The following OBSL1 variants were observed in gnomAD, a reference collection of about 807,000 sequenced individuals.
The protein encoded by OBSL1 is obscurin like cytoskeletal adaptor 1, also known as obscurin-like protein 1.
OBSL1 carries 160 observed loss-of-function variants against 172.0 expected under a neutral mutation model. That is an observed-to-expected ratio of 0.93 (90% CI 0.82 to 1.06). OBSL1 has a LOEUF of 1.06. Ranked by LOEUF, OBSL1 falls within the 50% of genes least tolerant of loss-of-function variation. The probability of loss-of-function intolerance (pLI) is 0.00; values close to 1 mark genes in which losing one functional copy is unlikely to be tolerated. For synonymous variants in OBSL1, 1,200 were observed against 1,196.3 expected, an observed-to-expected ratio of 1.00 and a Z score of -0.06; for missense variants, 2,681 against 2,715.4, an observed-to-expected ratio of 0.99 and a Z score of 0.28.
Position 219,552,558 on chromosome 2 carries a change from G to A in OBSL1, c.5286C>T (p.Ala1762=). 2 of 1,596,510 alleles carry A rather than the reference G, an allele frequency of 1.3e-6. No individual in the cohort carries two copies. Among genetic ancestry groups the A allele is most frequent in the East Asian group, 4.5e-5 (2 of 44,656 alleles). Residue 1762 remains alanine (A), a synonymous_variant, in exon 18 of 21, where the codon GCC becomes GCT. Transcript: ENST00000404537. ...GACCTTCCTGTCGGATGCGGACGCG[G>A]GCTCCGGGTCTCAGCGGGCGGCCTC... ...ELGGRPLRPG[A]RVRIRQEGKK...
Position 219,567,932 on chromosome 2 carries a change from G to A in OBSL1, c.1320C>T (p.Val440=). The A allele has an allele frequency of 3.1e-6, 5 of 1,613,886 alleles. No homozygotes were observed. Among genetic ancestry groups the A allele is most frequent in the Non-Finnish European group, 4.2e-6 (5 of 1,179,890 alleles). The change falls in exon 3 of 21, where the codon GTC becomes GTT. Residue 440 remains valine (V), a synonymous_variant. Transcript: ENST00000404537. ...ILKRLPRKLD[V]LEGENAVLLV... ...GCAGCACAGCATTCTCTCCTTCCAG[G>A]ACGTCGAGCTTCCGGGGCAGGCGCT...
Position 219,552,190 on chromosome 2 carries a change from C to T in OBSL1, c.5335G>A (p.Glu1779Lys), listed in dbSNP as rs1367838237. ...TCACCGGCGTCCTCGGCGCGCAGCTCGCTAAGCACCAGAATGTGTTTCTTC... is the reference window on the plus strand; with the variant it reads ...TCACCGGCGTCCTCGGCGCGCAGCTTGCTAAGCACCAGAATGTGTTTCTTC... Reference protein sequence around the residue: ...EGKKHILVLSELRAEDAGEVR... With the variant: ...EGKKHILVLSKLRAEDAGEVR... Residue 1779 changes from glutamate (E) to lysine (K), a missense_variant, in exon 19 of 21, where the codon GAG becomes AAG. Coordinates refer to ENST00000404537, the MANE Select transcript of OBSL1 (RefSeq NM_015311.3). 2.5e-6 allele frequency: 4 copies of T among 1,608,980 alleles called. No individual in the cohort carries two copies. Among genetic ancestry groups the T allele is most frequent in the South Asian group, 1.1e-5 (1 of 90,214 alleles).
chr2:219,556,932 C>T (rs1220591412), intron 12 of OBSL1: 5 of 561,508 alleles, frequency 8.9e-6, no homozygotes, highest in Non-Finnish European at 1.5e-5. Context: ...CCTAGCCTAG[C>T]ACCCCACCTT....
chr2:219,567,212 C>G, intron 4 of OBSL1, 61 bp downstream of exon 4: 4 of 1,563,054 alleles, frequency 2.6e-6, no homozygotes, highest in Non-Finnish European at 3.5e-6. Flanking sequence ...GTGAGAGGAC[C>G]AGCACTGAGG....
At chr2:219,562,271 A>C in intron 8 of OBSL1, 131 bp downstream of exon 8, 1 of 1,188,064 alleles carries the variant, frequency 8.4e-7, no homozygotes, top group Non-Finnish European at 1.2e-6. Flanking sequence ...TCATCTCAGC[A>C]AGAACCCTGG....
At chr2:219,558,505 C>T (rs1167845534) in intron 9 of OBSL1, 46 bp from the exon 10 acceptor site, 2 of 1,493,796 alleles carry the variant, frequency 1.3e-6, no homozygotes, top group Admixed American at 2.1e-5. Context: ...GGCCAGCAGG[C>T]CTCTCCTGCC....
chr2:219,571,395 C>T lies in OBSL1; in HGVS notation c.-163G>A. ...CCCGCTCCCGGCTCGCCTCCTTACCCTCGGCCCCGAGCTGCAGCTCTGCGG... is the reference window on the plus strand; with the variant it reads ...CCCGCTCCCGGCTCGCCTCCTTACCTTCGGCCCCGAGCTGCAGCTCTGCGG... On this transcript the variant is annotated 5_prime_UTR_variant, in exon 1 of 21. Transcript: ENST00000404537. 2.6e-6 allele frequency: 1 copy of T among 381,276 alleles called. No homozygotes were observed. The highest frequency in any genetic ancestry group is 1.2e-4 in the South Asian group (1 of 8,122). 23.6% of individuals were successfully genotyped at this position (381,276 alleles called of 1,614,324 possible).
chr2:219,562,001 G>T (rs1057192365), intron 8 of OBSL1: 2 of 717,618 alleles, frequency 2.8e-6, no homozygotes, highest in Admixed American at 2.0e-5. Flanking sequence ...CCTGACTTTG[G>T]TAAGACTCTG....
intron 13 of OBSL1, 75 bp from the exon 14 acceptor site, chr2:219,556,367 C>T: frequency 1.3e-6 from 2 of 1,583,494 alleles, no homozygotes; most frequent in Non-Finnish European, 1.7e-6. Flanking sequence ...ACTGGTCTGT[C>T]CCTAGGTGGA....
In OBSL1 at chr2:219,561,628, G is replaced by A. The variant is rs1023346175; in HGVS notation, c.2953+774C>T. On this transcript the variant is annotated intron_variant, in intron 8 of 20. Coordinates refer to ENST00000404537, the MANE Select transcript of OBSL1 (RefSeq NM_015311.3). ...TGCTGCTGGCTCCCGTGTGTGGAAGGGTGACTTTCTCCCAGGCCTCCCTGA... is the reference window on the plus strand; with the variant it reads ...TGCTGCTGGCTCCCGTGTGTGGAAGAGTGACTTTCTCCCAGGCCTCCCTGA... The A allele has an allele frequency of 2.1e-5, 9 of 425,576 alleles. No homozygotes were observed. In the African/African-American group the frequency reaches 2.5e-4, roughly 12 times the overall value. The allele number at this position is 425,576 out of a possible 1,614,324, so 26.4% of individuals were successfully genotyped here.
At chr2:219,551,400 C>CAA in intron 20 of OBSL1, 129 bp downstream of exon 20, 1 of 1,289,790 alleles carries the variant, frequency 7.8e-7, no homozygotes. Flanking sequence ...CCTCCCCCAT[C>CAA]CCCACCTCCT....
In OBSL1 at chr2:219,570,297, C is replaced by T. The variant is rs1430929525; in HGVS notation, c.936G>A (p.Lys312=). 1 of 1,610,118 alleles carries T rather than the reference C, an allele frequency of 6.2e-7. No homozygotes were observed. The highest frequency in any genetic ancestry group is 2.2e-5 in the East Asian group (1 of 44,774). The change falls in exon 1 of 21, where the codon AAG becomes AAA. Residue 312 remains lysine, a synonymous_variant. Coordinates refer to ENST00000404537, the MANE Select transcript of OBSL1 (RefSeq NM_015311.3). ...CGGCGCAGACGTAGAGCCCACGATC[C>T]TTGGCCTGGCAGTAAAGCACCTTGA... ...FVLKVLYCQA[K]DRGLYVCAAR... is the part of the protein sequence containing the mutation.
chr2:219,559,905 C>T (rs1696340767), intron 8 of OBSL1, among the ~76,000 whole-genome samples: 2 of 152,338 alleles, frequency 1.3e-5, no homozygotes, highest in Non-Finnish European at 2.9e-5. Context: ...TAGCTATATT[C>T]ACCCTCAGCA....
chr2:219,553,737 T>A, intron 15 of OBSL1, 51 bp from the exon 16 acceptor site: 1 of 1,335,650 alleles, frequency 7.5e-7, no homozygotes, highest in Non-Finnish European at 1.1e-6. Flanking sequence ...TGGGGACCCA[T>A]CTTGCAGGGA....
chr2:219,547,981 C>G, downstream of OBSL1: 3 of 1,585,512 alleles, frequency 1.9e-6, no homozygotes, highest in Non-Finnish European at 2.6e-6. Context: ...CCCCACTCTG[C>G]TGGCGAAGCT....
At chr2:219,559,594 G>A (rs1696311793) in intron 8 of OBSL1, 97 bp from the exon 9 acceptor site, 7 of 1,081,166 alleles carry the variant, frequency 6.5e-6, no homozygotes, top group Non-Finnish European at 8.1e-6. Context: ...ACATAATAAT[G>A]AGAATAATAA....
chr2:219,549,489 G>A (rs1467724733), downstream of OBSL1: 4 of 1,278,842 alleles, frequency 3.1e-6, no homozygotes, highest in Admixed American at 2.7e-5. Context: ...TCCATGCATC[G>A]GAGCCCATGC....
At position 219,556,274 on chromosome 2, in the gene OBSL1, A is replaced by G. The variant is rs1695995435; in HGVS notation, c.4355T>C (p.Leu1452Pro). The change falls in exon 14 of 21, where the codon CTA becomes CCA. Residue 1452 changes from leucine (L) to proline (P), a missense_variant. Leu to Pro is a moderately conservative substitution (Grantham distance 98). Coordinates refer to ENST00000404537, the MANE Select transcript of OBSL1 (RefSeq NM_015311.3). ...LHVRETELLFLRRLQDVRAEE... is the reference protein window; with the variant it reads ...LHVRETELLFPRRLQDVRAEE... ...TGCCCGCACATCCTGCAACCGCCGTAGGAACAGCAGCTCTGTCTCTGGTGG... is the reference window on the plus strand; with the variant it reads ...TGCCCGCACATCCTGCAACCGCCGTGGGAACAGCAGCTCTGTCTCTGGTGG... 7 of 1,587,942 alleles carry G rather than the reference A, an allele frequency of 4.4e-6. No homozygotes were observed. The highest frequency in any genetic ancestry group is 6.0e-6 in the Non-Finnish European group (7 of 1,163,938).
At chr2:219,552,807 G>T in intron 17 of OBSL1, 61 bp downstream of exon 17, 1 of 1,532,674 alleles carries the variant, frequency 6.5e-7, no homozygotes, top group Non-Finnish European at 8.8e-7. Flanking sequence ...GTCCGGGGAA[G>T]ACAGCTCCGC....
Sources: allele counts gnomAD v4.1 joint callset (sites outside exome capture counted in the v4.1 genomes callset), GRCh38; gene constraint gnomAD v4.1.1; transcripts MANE v1.5; gene names NCBI Gene and HGNC (gene_info 2026-07-23, HGNC 2026-07-21).